Variants in DCC observed in about 807,000 individuals in gnomAD.
The protein encoded by DCC is DCC netrin 1 receptor.
In DCC, 58 loss-of-function variants were observed where a neutral mutation model predicts 172.5. The observed-to-expected ratio is 0.34, with a 90% confidence interval of 0.27 to 0.42. The LOEUF is 0.42. DCC is among the 10% of genes least tolerant of loss of function. The pLI, the probability that DCC is intolerant of heterozygous loss-of-function variation, is 1.00. For synonymous variants in DCC, 709 were observed against 644.5 expected (o/e 1.10, Z -1.52); for missense variants, 1,740 against 1,791.0 (o/e 0.97, Z 0.51).
At chr18:53,350,277 A>G (rs1371560020) in intron 15 of DCC, among the ~76,000 whole-genome samples, 1 of 152,180 alleles carries the variant, frequency 6.6e-6, no homozygotes, top group Non-Finnish European at 1.5e-5. Context: ...ATCGGGAATT[A>G]AGTTCTTAGA....
At position 53,309,942 on chromosome 18, in the gene DCC, ATACATG is replaced by A. The variant is rs1250072586; in HGVS notation, c.2053+4226_2053+4231del. Among the ~76,000 whole-genome samples, 450 of 128,608 alleles carry A rather than the reference ATACATG, an allele frequency of 3.5e-3. 1 individual carries two copies. Among genetic ancestry groups the A allele is most frequent in the Admixed American group, 0.019 (232 of 11,940 alleles). The allele number at this position is 128,608 out of a possible 152,430, so 84.4% of individuals were successfully genotyped here. A position where few individuals can be genotyped will look rare whatever the true frequency, so the allele number is the denominator to read the frequency against. On this transcript the variant is annotated intron_variant, in intron 13 of 28. Coordinates refer to ENST00000442544, the MANE Select transcript of DCC (RefSeq NM_005215.4). ...TGCGTGTATATATATATATATATAT[ATACATG>A]TATATATACGTGTGTGTATATATAT...
chr18:53,226,475 G>A (rs2056029369), intron 12 of DCC, among the ~76,000 whole-genome samples: 1 of 152,086 alleles, frequency 6.6e-6, no homozygotes, highest in African/African-American at 2.4e-5. Flanking sequence ...GACTTAAAAA[G>A]CACATCAGCG....
chr18:52,990,804 CCA>C (rs1168793394), intron 5 of DCC, among the ~76,000 whole-genome samples: 2 of 151,966 alleles, frequency 1.3e-5, no homozygotes, highest in African/African-American at 4.8e-5. Flanking sequence ...ATGAAACAGA[CCA>C]CAGTGTGCCA....
intron 20 of DCC, among the ~76,000 whole-genome samples, chr18:53,414,806 C>T (rs1432059453): frequency 2.6e-5 from 4 of 152,146 alleles, no homozygotes; most frequent in Non-Finnish European, 5.9e-5. Context: ...TGAGATTGCA[C>T]CACTGCACTC....
rs201013582 is a variant in DCC, at chr18:53,181,411, C to CTT, written c.1573+2310_1573+2311dup. ...TTTTCAGTGTTTTAAAATTTTACTTCTTTTTTTTTTTTTTTTAACACCAAC... is the reference window on the plus strand; with the variant it reads ...TTTTCAGTGTTTTAAAATTTTACTTCTTTTTTTTTTTTTTTTTTAACACCAAC... On this transcript the variant is annotated intron_variant, in intron 9 of 28. Transcript: ENST00000442544. Among the ~76,000 whole-genome samples the CTT allele has an allele frequency of 1.4e-3, 178 of 128,980 alleles. 1 individual carries two copies. Among genetic ancestry groups the CTT allele is most frequent in the African/African-American group, 1.9e-3 (67 of 35,718 alleles). The allele number at this position is 128,980 out of a possible 152,430, so 84.6% of individuals were successfully genotyped here. A position where few individuals can be genotyped will look rare whatever the true frequency, so the allele number is the denominator to read the frequency against.
chr18:53,360,497 A>G (rs1036529345), intron 15 of DCC, among the ~76,000 whole-genome samples: 1 of 152,172 alleles, frequency 6.6e-6, no homozygotes, highest in African/African-American at 2.4e-5. Context: ...TTCAATAGGA[A>G]TGACATTTCC....
chr18:53,243,228 T>C (rs961774527), intron 12 of DCC, among the ~76,000 whole-genome samples: 1 of 152,088 alleles, frequency 6.6e-6, no homozygotes, highest in South Asian at 2.1e-4. Flanking sequence ...AACATCTGAC[T>C]GTATTGTGGA....
At chr18:52,526,273 G>A (rs185898111) in intron 1 of DCC, among the ~76,000 whole-genome samples, 8 of 152,270 alleles carry the variant, frequency 5.3e-5, no homozygotes, top group Admixed American at 5.2e-4. Flanking sequence ...TGGAGAAAGA[G>A]GAACTAAGGG....
At chr18:52,601,995 G>C (rs2034027336) in intron 1 of DCC, among the ~76,000 whole-genome samples, 1 of 151,844 alleles carries the variant, frequency 6.6e-6, no homozygotes, top group Non-Finnish European at 1.5e-5. Context: ...CCCTGACTTG[G>C]GATCAGTAAT....
chr18:53,170,480 G>T (rs2054995505), intron 8 of DCC, among the ~76,000 whole-genome samples: 2 of 152,164 alleles, frequency 1.3e-5, no homozygotes, highest in Non-Finnish European at 2.9e-5. Flanking sequence ...TATCTATGTA[G>T]CTTTTTTCTA....
intron 1 of DCC, among the ~76,000 whole-genome samples, chr18:52,719,267 G>T (rs2145071905): frequency 6.6e-6 from 1 of 152,206 alleles, no homozygotes; most frequent in Admixed American, 6.5e-5. Context: ...ACAGTCTGAG[G>T]TTCCAGGAGG....
intron 1 of DCC, among the ~76,000 whole-genome samples, chr18:52,409,766 G>T (rs375159744): frequency 1.6e-4 from 25 of 152,258 alleles, no homozygotes; most frequent in East Asian, 1.5e-3. Flanking sequence ...CAATTCAAAG[G>T]TGAATAATTA....
chr18:53,388,144 G>A (rs1250822687), intron 16 of DCC, among the ~76,000 whole-genome samples: 3 of 152,188 alleles, frequency 2.0e-5, no homozygotes, highest in Admixed American at 1.3e-4. Context: ...GTTGGAATTT[G>A]TGTGAGGAAT....
At chr18:52,821,087 TTTC>T (rs2038397317) in intron 2 of DCC, among the ~76,000 whole-genome samples, 1 of 152,222 alleles carries the variant, frequency 6.6e-6, no homozygotes, top group Non-Finnish European at 1.5e-5. Context: ...TCTAATACTC[TTTC>T]TTCTTTCCTC....
chr18:52,854,467 G>C (rs947563919), intron 2 of DCC, among the ~76,000 whole-genome samples: 2 of 152,106 alleles, frequency 1.3e-5, no homozygotes, highest in South Asian at 4.1e-4. Context: ...AACCTACCAG[G>C]AGTAAACCTA....
At chr18:52,704,184 C>A (rs1248641728) in intron 1 of DCC, among the ~76,000 whole-genome samples, 1 of 151,938 alleles carries the variant, frequency 6.6e-6, no homozygotes, top group Non-Finnish European at 1.5e-5. Flanking sequence ...AAACTTCCAA[C>A]CTTTGTATGT....
chr18:52,906,788 A>T (rs1048098483), intron 3 of DCC, among the ~76,000 whole-genome samples: 4 of 151,870 alleles, frequency 2.6e-5, no homozygotes, highest in African/African-American at 9.7e-5. Context: ...TGTATCATAT[A>T]TCATATATCT....
intron 1 of DCC, among the ~76,000 whole-genome samples, chr18:52,691,094 C>T (rs1351994485): frequency 6.6e-6 from 1 of 152,148 alleles, no homozygotes; most frequent in East Asian, 1.9e-4. Flanking sequence ...ACAGCTAGTA[C>T]ACTCATTCCC....
intron 1 of DCC, among the ~76,000 whole-genome samples, chr18:52,622,681 C>T (rs977796312): frequency 1.3e-5 from 2 of 152,072 alleles, no homozygotes; most frequent in Admixed American, 6.5e-5. Context: ...GTTATGCTCA[C>T]GCCACTTATC....
Sources: allele counts gnomAD v4.1 joint callset (sites outside exome capture counted in the v4.1 genomes callset), GRCh38; gene constraint gnomAD v4.1.1; transcripts MANE v1.5; gene names NCBI Gene and HGNC (gene_info 2026-07-23, HGNC 2026-07-21).